Variants in RPH3AL observed in about 807,000 individuals in gnomAD.
RPH3AL encodes the protein rab effector Noc2.
A neutral mutation model predicts 43.1 loss-of-function variants in RPH3AL; 38 were observed. That is an observed-to-expected ratio of 0.88 (90% CI 0.68 to 1.15). The LOEUF (loss-of-function observed/expected upper bound fraction) is 1.15. Among genes scored for constraint, RPH3AL ranks in the 50% most tolerant of loss-of-function variants. The pLI, the probability that RPH3AL is intolerant of heterozygous loss-of-function variation, is 0.00. For synonymous variants in RPH3AL, 189 were observed against 176.3 expected, an observed-to-expected ratio of 1.07 and a Z score of -0.57; for missense variants, 462 against 423.2, an observed-to-expected ratio of 1.09 and a Z score of -0.81.
intron 5 of RPH3AL, among the ~76,000 whole-genome samples, chr17:296,764 T>C (rs569139678): frequency 6.6e-6 from 1 of 151,934 alleles, no homozygotes; most frequent in Non-Finnish European, 1.5e-5. Context: ...AAGTCACATA[T>C]GAAAAAAAGG....
rs746560634 is a variant in RPH3AL, at chr17:321,368, C to A, written c.125G>T (p.Arg42Met). 1.5e-5 allele frequency: 24 copies of A among 1,611,490 alleles called. No homozygotes were observed. In the East Asian group the frequency reaches 5.3e-4, roughly 36 times the overall value. ...CGCCGGGCTGAGGTGCTGCTTCCTC[C>A]TCTGCTTCTCCGTCTGGTAGGTGTG... ...SVHTYQTEKQ[R>M]RKQHLSPAEV... Residue 42 changes from arginine to methionine, a missense_variant, in exon 4 of 10, where the codon AGG (arginine) becomes ATG (methionine). By Grantham distance (91) the Arg-to-Met change is moderately conservative (BLOSUM62 -1). Coordinates refer to ENST00000331302, the MANE Select transcript of RPH3AL (RefSeq NM_006987.4).
chr17:270,342 T>C (rs2042432730), intron 6 of RPH3AL, among the ~76,000 whole-genome samples: 1 of 152,208 alleles, frequency 6.6e-6, no homozygotes, highest in South Asian at 2.1e-4. Context: ...ACAGGCCGCC[T>C]GCCCGGGAAG....
rs1555557021 is a variant in RPH3AL, at chr17:286,072, G to GT, written c.352-4219dup. Among the ~76,000 whole-genome samples, 25 of 152,340 alleles carry GT rather than the reference G, an allele frequency of 1.6e-4. No individual in the cohort carries two copies. The South Asian group carries it at 5.2e-3, about 32-fold the overall frequency. On this transcript the variant is annotated intron_variant, in intron 5 of 9. Transcript: ENST00000331302. ...TGCTGGGGGGGTGCTCGGCTGCCCT[G>GT]TGGGGGGGTTTGAGGGACAAATGTG...
intron 6 of RPH3AL, among the ~76,000 whole-genome samples, chr17:255,518 C>T (rs373213924): frequency 4.6e-4 from 1 of 2,194 alleles, no homozygotes; most frequent in South Asian, 0.045. Flanking sequence ...TGAGGGGAGC[C>T]GCACGGCGTC....
At chr17:291,373 C>A (rs1198934259) in intron 5 of RPH3AL, among the ~76,000 whole-genome samples, 2 of 152,084 alleles carry the variant, frequency 1.3e-5, no homozygotes, top group Middle Eastern at 6.8e-3. Flanking sequence ...GACTCCCCCA[C>A]CCCCCATCTC....
intron 6 of RPH3AL, among the ~76,000 whole-genome samples, chr17:270,208 G>A (rs72806006): frequency 0.058 from 8,794 of 152,308 alleles, 335 homozygotes; most frequent in Non-Finnish European, 0.084. Context: ...ACTCCCGAAT[G>A]CACTCACAGA....
chr17:341,910 G>A (rs987355555), intron 1 of RPH3AL, among the ~76,000 whole-genome samples: 6 of 152,182 alleles, frequency 3.9e-5, no homozygotes, highest in East Asian at 1.9e-4. Flanking sequence ...GGACACTATC[G>A]AGAAGGTGAA....
rs368269841 is a variant in RPH3AL, at chr17:242,712, A to AC, written c.613+4398dup. 8.5e-3 allele frequency among the ~76,000 whole-genome samples: 299 copies of AC among 35,206 alleles called. 9 individuals are homozygous for AC. Among genetic ancestry groups the AC allele is most frequent in the South Asian group, 0.018 (10 of 562 alleles). 23.1% of individuals were successfully genotyped at this position (35,206 alleles called of 152,430 possible). On this transcript the variant is annotated intron_variant, in intron 7 of 9. Transcript: ENST00000331302. The stretch of plus-strand genomic sequence containing the variant: ...TATTGATTACCTTCCTCTATTGATT[A>AC]CCTTCCTCTATTGACTACCTTCCTC...
At chr17:315,957 G>C (rs1555520487) in intron 5 of RPH3AL, among the ~76,000 whole-genome samples, 7 of 147,538 alleles carry the variant, frequency 4.7e-5, no homozygotes, top group Admixed American at 2.7e-4. Context: ...TGTAGTCCCT[G>C]TGACCCCACC....
chr17:217,039 G>A (rs1346908525), intron 8 of RPH3AL, among the ~76,000 whole-genome samples: 1 of 149,478 alleles, frequency 6.7e-6, no homozygotes, highest in Non-Finnish European at 1.5e-5. Flanking sequence ...CTGAAATCAG[G>A]ACCCCCAAGG....
chr17:280,001 T>C (rs1246180784), intron 6 of RPH3AL, among the ~76,000 whole-genome samples: 1 of 152,208 alleles, frequency 6.6e-6, no homozygotes, highest in African/African-American at 2.4e-5. Context: ...GCACACACTG[T>C]GAGGCCCTGC....
intron 6 of RPH3AL, among the ~76,000 whole-genome samples, chr17:273,351 C>T (rs1250227699): frequency 2.1e-4 from 18 of 84,378 alleles, no homozygotes; most frequent in African/African-American, 7.2e-4. Context: ...GCGAGGGTGA[C>T]GTCAGGGAGA....
chr17:232,042 G>C (rs1364757967), intron 7 of RPH3AL, among the ~76,000 whole-genome samples: 1 of 152,222 alleles, frequency 6.6e-6, no homozygotes, highest in Non-Finnish European at 1.5e-5. Context: ...TCATCACTGA[G>C]CTTGTGTCTG....
At chr17:313,571 A>G (rs2043706645) in intron 5 of RPH3AL, among the ~76,000 whole-genome samples, 2 of 152,134 alleles carry the variant, frequency 1.3e-5, no homozygotes, top group African/African-American at 2.4e-5. Flanking sequence ...CTGAGCTCAG[A>G]GAGGCCCCCT....
At chr17:241,647 ATGTT>A (rs2041536443) in intron 7 of RPH3AL, among the ~76,000 whole-genome samples, 1 of 151,826 alleles carries the variant, frequency 6.6e-6, no homozygotes, top group African/African-American at 2.4e-5. Flanking sequence ...TATCAAGTAT[ATGTT>A]TGTAGGAACA....
intron 5 of RPH3AL, among the ~76,000 whole-genome samples, chr17:315,224 GCCCCCAC>G (rs1567509645): frequency 1.2e-3 from 1 of 834 alleles, no homozygotes. Context: ...TAGTCTCTGT[GCCCCCAC>G]CTTCATTCAC....
chr17:345,999 A>G (rs1410913221), intron 1 of RPH3AL, among the ~76,000 whole-genome samples: 1 of 135,504 alleles, frequency 7.4e-6, no homozygotes. Context: ...TTGTCTGTCA[A>G]TGATCAATTA....
At chr17:299,079 G>A (rs555284883) in intron 5 of RPH3AL, among the ~76,000 whole-genome samples, 215 of 151,868 alleles carry the variant, frequency 1.4e-3, no homozygotes, top group South Asian at 1.7e-3. Context: ...GAGGGAGGGG[G>A]ACAGTGACCT....
chr17:277,255 G>T (rs1311254843), intron 6 of RPH3AL, among the ~76,000 whole-genome samples: 1 of 152,030 alleles, frequency 6.6e-6, no homozygotes, highest in Non-Finnish European at 1.5e-5. Flanking sequence ...TAAAACACAG[G>T]TTCAATAATA....
Sources: gnomAD v4.1 joint callset for allele counts (sites outside exome capture counted in the v4.1 genomes callset) on GRCh38, gnomAD v4.1.1 for gene constraint, MANE v1.5 for transcripts, NCBI Gene and HGNC (gene_info 2026-07-23, HGNC 2026-07-21) for gene names.